CD163L1: variants seen among roughly 807,000 people sequenced by gnomAD.
CD163L1 encodes the protein scavenger receptor cysteine-rich type 1 protein M160.
In CD163L1, 124 loss-of-function variants were observed where a neutral mutation model predicts 165.4. The observed-to-expected ratio is 0.75, with a 90% CI of 0.65 to 0.87. The LOEUF is 0.87. Among genes scored for constraint, CD163L1 ranks in the 40% least tolerant of loss-of-function variants. The pLI is 0.00. For synonymous variants in CD163L1, 585 were observed against 662.2 expected (o/e 0.88, Z 1.79); for missense variants, 1,525 against 1,799.9 (o/e 0.85, Z 2.76).
At chr12:7,406,914 G>A in intron 4 of CD163L1, 62 bp from the exon 5 acceptor site, 2 of 1,423,950 alleles carry the variant, frequency 1.4e-6, no homozygotes, top group African/African-American at 2.9e-5. Flanking sequence ...TCAGATTCCA[G>A]ATCCTGCTAT....
chr12:7,401,063 A>T (rs749330916), intron 6 of CD163L1, among the ~76,000 whole-genome samples: 1 of 152,310 alleles, frequency 6.6e-6, no homozygotes, highest in Non-Finnish European at 1.5e-5. Context: ...ATTTTTGAAC[A>T]TTGACTTTGG....
rs751482525 is a variant in CD163L1 at position 7,378,302 on chromosome 12, G to A, written c.2371+676C>T. ...AGAATTATTCAACAGCATGACTCCC[G>A]GCATCCAATAGCCTCCTCTCTCCAA... On this transcript the variant is annotated intron_variant, in intron 9 of 19. Transcript: ENST00000313599. Among the ~76,000 whole-genome samples, 8 of 151,888 alleles carry A rather than the reference G, an allele frequency of 5.3e-5. No homozygotes were observed. In the East Asian group the frequency reaches 5.8e-4, roughly 11 times the overall value.
chr12:7,399,428 ATTC>A (rs1280296788), intron 6 of CD163L1, among the ~76,000 whole-genome samples: 2 of 13,546 alleles, frequency 1.5e-4, no homozygotes, highest in African/African-American at 5.9e-4. Flanking sequence ...CCCCTCCCCC[ATTC>A]TTCTTCTTCC....
At chr12:7,335,293 T>G in the CD163L1 span, among the ~76,000 whole-genome samples, 6 of 152,118 alleles carry the variant, frequency 3.9e-5, no homozygotes, top group Non-Finnish European at 8.8e-5. Context: ...CCAAAACAGA[T>G]ATATAGACCA....
At chr12:7,342,312 AC>A (rs1218384664), downstream of CD163L1, among the ~76,000 whole-genome samples, 2 of 152,212 alleles carry the variant, frequency 1.3e-5, no homozygotes, top group Non-Finnish European at 2.9e-5. Flanking sequence ...AATAGCATGA[AC>A]ATCTGTGCCT....
chr12:7,408,742 G>A (rs1270617982), intron 4 of CD163L1, among the ~76,000 whole-genome samples: 5 of 152,168 alleles, frequency 3.3e-5, no homozygotes, highest in East Asian at 3.8e-4. Context: ...AATTGGGCAC[G>A]CCAGCTCTTT....
At chr12:7,326,611 C>T in the CD163L1 span, among the ~76,000 whole-genome samples, 2 of 152,154 alleles carry the variant, frequency 1.3e-5, no homozygotes, top group Non-Finnish European at 1.5e-5. Context: ...CATTTGTTCC[C>T]CTGCTACATG....
rs368721594 is a variant in CD163L1 at position 7,396,443 on chromosome 12, T to C, written c.1730-28A>G. On this transcript the variant is annotated intron_variant, in intron 7 of 19. Coordinates refer to ENST00000313599, the MANE Select transcript of CD163L1 (RefSeq NM_174941.6). ...GCACCAAGAACAATGAAGCAAGTAGTTAATGGGTGTGATGGTTTATTTTAT... is the reference window on the plus strand; with the variant it reads ...GCACCAAGAACAATGAAGCAAGTAGCTAATGGGTGTGATGGTTTATTTTAT... 3.1e-4 allele frequency: 485 copies of C among 1,559,662 alleles called. 4 individuals are homozygous for C. Among genetic ancestry groups the C allele is most frequent in the Non-Finnish European group, 3.3e-4 (375 of 1,148,822 alleles).
intron 2 of CD163L1, among the ~76,000 whole-genome samples, chr12:7,436,654 T>C (rs1591972933): frequency 6.6e-6 from 1 of 152,156 alleles, no homozygotes; most frequent in African/African-American, 2.4e-5. Context: ...CATCTGTAGC[T>C]GCACTCCAAC....
intron 7 of CD163L1, among the ~76,000 whole-genome samples, chr12:7,397,243 T>C (rs1947796400): frequency 6.6e-6 from 1 of 152,210 alleles, no homozygotes; most frequent in South Asian, 2.1e-4. Context: ...ATTGGCTGGC[T>C]GCTCCCCATT....
chr12:7,404,332 C>A (rs1412907497), intron 5 of CD163L1, among the ~76,000 whole-genome samples: 1 of 151,900 alleles, frequency 6.6e-6, no homozygotes, highest in Non-Finnish European at 1.5e-5. Context: ...GCACAATTAG[C>A]AAAAAGTCTC....
intron 19 of CD163L1, among the ~76,000 whole-genome samples, chr12:7,357,065 T>A (rs1020774217): frequency 2.6e-5 from 4 of 152,048 alleles, no homozygotes; most frequent in African/African-American, 9.7e-5. Flanking sequence ...TGAACAGAAA[T>A]CCTAGGAATG....
chr12:7,439,937 C>T, intron 2 of CD163L1: 2 of 1,590,886 alleles, frequency 1.3e-6, no homozygotes, highest in Non-Finnish European at 1.7e-6. Flanking sequence ...GTGCTGTCGG[C>T]AGCTGACACA....
chr12:7,338,941 G>A, the CD163L1 span, among the ~76,000 whole-genome samples: 1 of 152,112 alleles, frequency 6.6e-6, no homozygotes, highest in Non-Finnish European at 1.5e-5. Context: ...TGTGTTTGCT[G>A]TGCTTTTTGT....
the CD163L1 span, among the ~76,000 whole-genome samples, chr12:7,329,370 T>G: frequency 6.6e-6 from 1 of 150,692 alleles, no homozygotes. Context: ...ATTATTATAC[T>G]TTAAGTTTTA....
intron 18 of CD163L1, among the ~76,000 whole-genome samples, chr12:7,361,292 A>G (rs1339510171): frequency 6.6e-6 from 1 of 152,066 alleles, no homozygotes; most frequent in Admixed American, 6.5e-5. Context: ...GATTTCCTCT[A>G]TGTTCTCTAG....
chr12:7,396,160 C>T lies in CD163L1; in HGVS notation c.1985G>A (p.Cys662Tyr). Residue 662 changes from cysteine (C) to tyrosine (Y), a missense_variant, in exon 8 of 20, where the codon TGC becomes TAC. Physicochemically the swap from Cys to Tyr is radical, Grantham distance 194 (BLOSUM62 -2). Coordinates refer to ENST00000313599, the MANE Select transcript of CD163L1 (RefSeq NM_174941.6). Reference sequence around the variant, plus strand: ...ATTATTTCCCCACCCACTGTTCCTGCATGACCAGAGATCTGACTCATCTCC... The same window carrying T: ...ATTATTTCCCCACCCACTGTTCCTGTATGACCAGAGATCTGACTCATCTCC... ...CDGDESDLWSCRNSGWGNNDC... is the reference protein window; with the variant it reads ...CDGDESDLWSYRNSGWGNNDC... 4 of 1,614,162 alleles carry T rather than the reference C, an allele frequency of 2.5e-6. No individual in the cohort carries two copies. Among genetic ancestry groups the T allele is most frequent in the Non-Finnish European group, 2.5e-6 (3 of 1,180,018 alleles).
At chr12:7,328,695 A>G in the CD163L1 span, 1 of 165,542 alleles carries the variant, frequency 6.0e-6, no homozygotes, top group Non-Finnish European at 1.3e-5. Flanking sequence ...CTTGTGCCTG[A>G]TTGATTCAAA....
At chr12:7,441,968 A>G (rs775492982) in intron 1 of CD163L1, among the ~76,000 whole-genome samples, 1 of 152,134 alleles carries the variant, frequency 6.6e-6, no homozygotes, top group Non-Finnish European at 1.5e-5. Flanking sequence ...ATGAACTAAG[A>G]TAGGCAGGAG....
Sources: allele counts gnomAD v4.1 joint callset (sites outside exome capture counted in the v4.1 genomes callset), GRCh38; gene constraint gnomAD v4.1.1; transcripts MANE v1.5; gene names NCBI Gene and HGNC (gene_info 2026-07-23, HGNC 2026-07-21).